PALM2AKAP2: variants seen among roughly 807,000 people sequenced by gnomAD.
PALM2AKAP2 encodes PALM2-AKAP2 fusion protein.
PALM2AKAP2 carries 37 observed loss-of-function variants against 71.5 expected under a neutral mutation model. The ratio of observed to expected loss-of-function variants is 0.52; its 90% CI spans 0.40 to 0.68. The LOEUF (loss-of-function observed/expected upper bound fraction) is 0.68, where lower values mean the gene tolerates loss of function less well. PALM2AKAP2 is among the 30% of genes least tolerant of loss of function. The pLI is 0.00. For synonymous variants in PALM2AKAP2, 468 were observed against 478.8 expected, an observed-to-expected ratio of 0.98 and a Z score of 0.29; for missense variants, 1,224 against 1,191.8, an observed-to-expected ratio of 1.03 and a Z score of -0.40.
intron 1 of PALM2AKAP2, among the ~76,000 whole-genome samples, chr9:110,084,505 G>A (rs574645338): frequency 6.6e-6 from 1 of 152,082 alleles, no homozygotes; most frequent in Non-Finnish European, 1.5e-5. Flanking sequence ...GGTAACTATG[G>A]GGGGGTTGGT....
At chr9:109,901,947 A>T (rs369094191) in intron 3 of PALM2AKAP2, among the ~76,000 whole-genome samples, 1 of 152,222 alleles carries the variant, frequency 6.6e-6, no homozygotes, top group African/African-American at 2.4e-5. Context: ...AGGGAGAAGC[A>T]TTGCTGCATC....
intron 1 of PALM2AKAP2, among the ~76,000 whole-genome samples, chr9:109,737,191 G>A (rs903119947): frequency 2.0e-5 from 3 of 152,204 alleles, no homozygotes; most frequent in Non-Finnish European, 4.4e-5. Context: ...TCCTGGAAAC[G>A]CTATGATTAC....
At chr9:109,885,827 AT>A (rs1326193518) in intron 3 of PALM2AKAP2, among the ~76,000 whole-genome samples, 1 of 152,224 alleles carries the variant, frequency 6.6e-6, no homozygotes, top group African/African-American at 2.4e-5. Flanking sequence ...CAGGCTAAAG[AT>A]GATCCAGGTC....
intron 2 of PALM2AKAP2, among the ~76,000 whole-genome samples, chr9:109,876,471 G>T (rs554195720): frequency 1.3e-5 from 2 of 151,976 alleles, no homozygotes; most frequent in South Asian, 4.2e-4. Flanking sequence ...GCCTTTTCCA[G>T]TTTTTTTTCT....
intron 1 of PALM2AKAP2, among the ~76,000 whole-genome samples, chr9:109,792,290 T>A (rs1827134310): frequency 6.6e-6 from 1 of 152,210 alleles, no homozygotes; most frequent in Non-Finnish European, 1.5e-5. Context: ...AAAAATAGAC[T>A]TATTAAATTC....
intron 2 of PALM2AKAP2, among the ~76,000 whole-genome samples, chr9:110,152,760 C>T (rs1450039287): frequency 6.6e-6 from 1 of 152,226 alleles, no homozygotes; most frequent in African/African-American, 2.4e-5. Context: ...ACAGGTTTCT[C>T]TCCAGCCTTT....
chr9:109,731,011 G>C (rs1828549839), intron 1 of PALM2AKAP2, among the ~76,000 whole-genome samples: 2 of 152,164 alleles, frequency 1.3e-5, no homozygotes, highest in South Asian at 4.1e-4. Context: ...TCCAACCGGG[G>C]ACTGTCAAAT....
At position 110,151,040 on chromosome 9, in the gene PALM2AKAP2, G is replaced by A. The variant is rs141903608; in HGVS notation, c.2570-5279G>A. The stretch of plus-strand genomic sequence containing the variant: ...AGTTAAAAAAAACACAGTGCTGAAC[G>A]TTCTTGTACATGAGCTGTGTGCCCA... On this transcript the variant is annotated intron_variant, in intron 2 of 3. Coordinates refer to ENST00000374525, the Ensembl canonical transcript of PALM2AKAP2. Among the ~76,000 whole-genome samples the A allele has an allele frequency of 4.2e-4, 64 of 152,284 alleles. No homozygotes were observed. The East Asian group carries it at 9.6e-3, about 23-fold the overall frequency.
At chr9:109,987,489 TAAAA>T (rs1832402768) in intron 6 of PALM2AKAP2, among the ~76,000 whole-genome samples, 1 of 152,220 alleles carries the variant, frequency 6.6e-6, no homozygotes, top group South Asian at 2.1e-4. Context: ...CAGCTTCAGA[TAAAA>T]ACTTGCTATC....
At chr9:109,867,993 C>T (rs576035104) in intron 2 of PALM2AKAP2, among the ~76,000 whole-genome samples, 2 of 152,232 alleles carry the variant, frequency 1.3e-5, no homozygotes, top group South Asian at 4.2e-4. Flanking sequence ...TTAGTATTTC[C>T]TTTCTTGATA....
chr9:109,783,546 A>G (rs1187259826), intron 1 of PALM2AKAP2, among the ~76,000 whole-genome samples: 1 of 151,782 alleles, frequency 6.6e-6, no homozygotes, highest in Non-Finnish European at 1.5e-5. Flanking sequence ...TGATCCTCCC[A>G]CCTCTGCCTC....
intron 1 of PALM2AKAP2, among the ~76,000 whole-genome samples, chr9:109,812,546 C>T (rs1217193652): frequency 1.3e-5 from 2 of 152,172 alleles, no homozygotes; most frequent in Admixed American, 1.3e-4. Flanking sequence ...TGATGAGGAA[C>T]ATCTGCTCTC....
intron 1 of PALM2AKAP2, among the ~76,000 whole-genome samples, chr9:110,119,966 A>G (rs984807628): frequency 6.6e-6 from 1 of 152,190 alleles, no homozygotes; most frequent in African/African-American, 2.4e-5. Flanking sequence ...ATGCCATTTT[A>G]CAGAGAAGGG....
chr9:109,912,395 T>C (rs542834147), intron 3 of PALM2AKAP2, among the ~76,000 whole-genome samples: 1 of 152,036 alleles, frequency 6.6e-6, no homozygotes, highest in Admixed American at 6.5e-5. Flanking sequence ...TAAGGAAAAG[T>C]GGAAATCCTC....
At chr9:109,900,080 G>A (rs1382397360) in intron 3 of PALM2AKAP2, among the ~76,000 whole-genome samples, 1 of 152,148 alleles carries the variant, frequency 6.6e-6, no homozygotes, top group African/African-American at 2.4e-5. Flanking sequence ...AAGTGCAGAT[G>A]ACATGCCCAT....
At chr9:109,897,935 A>G (rs1359325528) in intron 3 of PALM2AKAP2, among the ~76,000 whole-genome samples, 6 of 152,186 alleles carry the variant, frequency 3.9e-5, no homozygotes, top group African/African-American at 1.2e-4. Context: ...GGAGAAGCCC[A>G]TTTACTGTTT....
intron 1 of PALM2AKAP2, chr9:109,862,839 C>A: frequency 2.0e-6 from 1 of 489,064 alleles, no homozygotes. Flanking sequence ...CAGTGCACAT[C>A]GATTATTGTT....
chr9:110,044,176 T>C (rs1410246632), upstream of PALM2AKAP2, among the ~76,000 whole-genome samples: 4 of 152,130 alleles, frequency 2.6e-5, no homozygotes, highest in Admixed American at 1.3e-4. Flanking sequence ...GTGGTGCATC[T>C]GATCCCATGA....
upstream of PALM2AKAP2, among the ~76,000 whole-genome samples, chr9:109,775,388 T>A (rs967811768): frequency 1.2e-4 from 18 of 152,228 alleles, no homozygotes; most frequent in Admixed American, 1.3e-4. Flanking sequence ...TCTGACTTCT[T>A]TCTATCTTCT....
Sources: gnomAD v4.1 joint callset for allele counts (sites outside exome capture counted in the v4.1 genomes callset) on GRCh38, gnomAD v4.1.1 for gene constraint, MANE v1.5 for transcripts, NCBI Gene and HGNC (gene_info 2026-07-23, HGNC 2026-07-21) for gene names.